YIPF4: variants seen among roughly 807,000 people sequenced by gnomAD.
YIPF4 encodes protein YIPF4.
Under a neutral mutation model 29.4 loss-of-function variants are expected in YIPF4, and 18 were observed. The ratio of observed to expected loss-of-function variants is 0.61; its 90% confidence interval spans 0.42 to 0.91. YIPF4 has a LOEUF of 0.91. Among genes scored for constraint, YIPF4 ranks in the 40% least tolerant of loss-of-function variants. The pLI is 0.00. For missense variants in YIPF4, 279 were observed against 282.7 expected (o/e 0.99, Z 0.09); for synonymous variants, 115 against 104.7 (o/e 1.10, Z -0.60).
intron 3 of YIPF4, among the ~76,000 whole-genome samples, chr2:32,292,645 G>C (rs570152179): frequency 6.6e-6 from 1 of 151,526 alleles, no homozygotes; most frequent in Non-Finnish European, 1.5e-5. Flanking sequence ...GGTGGATCAC[G>C]GGGTCAGGAG....
At position 32,292,332 on chromosome 2, in the gene YIPF4, T is replaced by C. The variant is rs948478633; in HGVS notation, c.389T>C (p.Leu130Ser). 1.6e-5 allele frequency: 26 copies of C among 1,590,996 alleles called. No homozygotes were observed. The highest frequency in any genetic ancestry group is 2.1e-5 in the Non-Finnish European group (25 of 1,170,086). ...AVVLFFSMISLYGQFRVVSWI... is the reference protein window; with the variant it reads ...AVVLFFSMISSYGQFRVVSWI... ...GTTCTTTTCTTTTCCATGATATCAT[T>C]ATATGGACAGTTTAGGGTAAGTATA... is the stretch of plus-strand genomic sequence containing the variant. The change falls in exon 3 of 6, where the codon TTA (leucine) becomes TCA (serine). Residue 130 changes from leucine to serine, a missense_variant. Coordinates refer to ENST00000238831, the MANE Select transcript of YIPF4 (RefSeq NM_032312.4).
In YIPF4 at chr2:32,312,693, CA is replaced by C. The variant is rs1295322991; in HGVS notation, c.*7073del. Reference sequence around the variant, plus strand: ...TGAGTGTAGGGATACAGTGATAATGCAAAAAAGACCCCCAATAGGCCGGGCG... The same window carrying C: ...TGAGTGTAGGGATACAGTGATAATGCAAAAAGACCCCCAATAGGCCGGGCG... On this transcript the variant is annotated 3_prime_UTR_variant, in exon 6 of 6. Transcript: ENST00000238831. The C allele has an allele frequency of 1.3e-5, 2 of 151,052 alleles. No homozygotes were observed. The highest frequency in any genetic ancestry group is 3.0e-5 in the Non-Finnish European group (2 of 67,786). The allele number at this position is 151,052 out of a possible 1,614,324, so 9.4% of individuals were successfully genotyped here.
At chr2:32,278,686 A>C (rs1375746860) in intron 1 of YIPF4, among the ~76,000 whole-genome samples, 1 of 152,208 alleles carries the variant, frequency 6.6e-6, no homozygotes, top group African/African-American at 2.4e-5. Flanking sequence ...CAGATTCGGC[A>C]CTGCAAATAC....
At chr2:32,285,544 T>A (rs532440283) in intron 1 of YIPF4, among the ~76,000 whole-genome samples, 1 of 152,334 alleles carries the variant, frequency 6.6e-6, no homozygotes, top group Admixed American at 6.5e-5. Flanking sequence ...TTTCTGTCAC[T>A]CTGTTATTGT....
chr2:32,279,945 G>A (rs1393925459), intron 1 of YIPF4, among the ~76,000 whole-genome samples: 1 of 144,308 alleles, frequency 6.9e-6, no homozygotes, highest in East Asian at 2.0e-4. Context: ...TTGCCAGGCT[G>A]GAGTGCAGTG....
chr2:32,298,386 T>G (rs1310808700), intron 4 of YIPF4, 75 bp downstream of exon 4: 3 of 1,101,356 alleles, frequency 2.7e-6, no homozygotes, highest in Non-Finnish European at 4.1e-6. Context: ...ATATCATCAT[T>G]AGCTATACAA....
intron 3 of YIPF4, among the ~76,000 whole-genome samples, chr2:32,294,001 C>A (rs1226414746): frequency 6.8e-6 from 1 of 146,456 alleles, no homozygotes; most frequent in Non-Finnish European, 1.5e-5. Context: ...GCTGATCCCC[C>A]CACCTCCCTC....
At position 32,306,684 on chromosome 2, in the gene YIPF4, A is replaced by C. The variant is rs2031592109; in HGVS notation, c.*1058A>C. The C allele has an allele frequency of 2.5e-6, 2 of 815,406 alleles. No homozygotes were observed. The highest frequency in any genetic ancestry group is 1.9e-5 in the African/African-American group (1 of 53,746). 50.5% of individuals were successfully genotyped at this position (815,406 alleles called of 1,614,324 possible). A position where few individuals can be genotyped will look rare whatever the true frequency, so the allele number is the denominator to read the frequency against. On this transcript the variant is annotated 3_prime_UTR_variant, in exon 6 of 6. Transcript: ENST00000238831. ...AGGGAAATATTAAGAAATTTTTATC[A>C]GTGAAATATTTGTTGCAAATAATTT...
At chr2:32,289,718 C>T (rs929741741) in intron 1 of YIPF4, among the ~76,000 whole-genome samples, 2 of 152,136 alleles carry the variant, frequency 1.3e-5, no homozygotes. Flanking sequence ...AGATACTGTG[C>T]AGACTCTACA....
At position 32,305,899 on chromosome 2, in the gene YIPF4, G is replaced by C; in HGVS notation, c.*273G>C. On this transcript the variant is annotated 3_prime_UTR_variant, in exon 6 of 6. Transcript: ENST00000238831. ...AGCATTGTGTTTTTAAGATTGTGTC[G>C]ATATTCACCTAAAAACTTGTGCCAA... The C allele has an allele frequency of 9.5e-7, 1 of 1,051,322 alleles. No homozygotes were observed. Among genetic ancestry groups the C allele is most frequent in the Non-Finnish European group, 1.1e-6 (1 of 874,050 alleles). The allele number at this position is 1,051,322 out of a possible 1,614,324, so 65.1% of individuals were successfully genotyped here. A position where few individuals can be genotyped will look rare whatever the true frequency, so the allele number is the denominator to read the frequency against.
At chr2:32,283,093 G>T (rs1268084608) in intron 1 of YIPF4, among the ~76,000 whole-genome samples, 1 of 147,062 alleles carries the variant, frequency 6.8e-6, no homozygotes, top group Non-Finnish European at 1.5e-5. Flanking sequence ...AAAAAAAAAA[G>T]GAATACCCAA....
chr2:32,280,877 A>G (rs2030375786), intron 1 of YIPF4, among the ~76,000 whole-genome samples: 1 of 152,140 alleles, frequency 6.6e-6, no homozygotes, highest in South Asian at 2.1e-4. Context: ...GAGGAATATC[A>G]ACTTTAATTT....
At chr2:32,293,117 C>T (rs1284884480) in intron 3 of YIPF4, among the ~76,000 whole-genome samples, 8 of 148,332 alleles carry the variant, frequency 5.4e-5, no homozygotes, top group South Asian at 4.2e-4. Context: ...GGGTGTTTCT[C>T]GCAGAGGGGG....
At position 32,306,432 on chromosome 2, in the gene YIPF4, A is replaced by G. The variant is rs1365307344; in HGVS notation, c.*806A>G. On this transcript the variant is annotated 3_prime_UTR_variant, in exon 6 of 6. Coordinates refer to ENST00000238831, the MANE Select transcript of YIPF4 (RefSeq NM_032312.4). ...TCATTAAAATCTTTACTATGTACAA[A>G]AACAGTAATATTTACAGCATCAGTA... 2 of 984,348 alleles carry G rather than the reference A, an allele frequency of 2.0e-6. No individual in the cohort carries two copies. Among genetic ancestry groups the G allele is most frequent in the Non-Finnish European group, 2.4e-6 (2 of 828,584 alleles). The allele number at this position is 984,348 out of a possible 1,614,324, so 61.0% of individuals were successfully genotyped here. A position where few individuals can be genotyped will look rare whatever the true frequency, so the allele number is the denominator to read the frequency against.
chr2:32,309,497 G>C lies in YIPF4; in HGVS notation c.*3871G>C, dbSNP rs1330498901. 1 of 152,016 alleles carries C rather than the reference G, an allele frequency of 6.6e-6. No homozygotes were observed. Among genetic ancestry groups the C allele is most frequent in the Non-Finnish European group, 1.5e-5 (1 of 67,970 alleles). The allele number at this position is 152,016 out of a possible 1,614,324, so 9.4% of individuals were successfully genotyped here. ...ATTAAAATGTGAAGTAAATATTTTT[G>C]TTTAAATATTGTTTAAAATTTAGTC... is the stretch of plus-strand genomic sequence containing the variant. On this transcript the variant is annotated 3_prime_UTR_variant, in exon 6 of 6. Transcript: ENST00000238831.
chr2:32,313,127 C>G lies in YIPF4; in HGVS notation c.*7501C>G, dbSNP rs1464714186. 1 of 151,874 alleles carries G rather than the reference C, an allele frequency of 6.6e-6. No homozygotes were observed. Among genetic ancestry groups the G allele is most frequent in the African/African-American group, 2.4e-5 (1 of 41,336 alleles). 9.4% of individuals were successfully genotyped at this position (151,874 alleles called of 1,614,324 possible). A position where few individuals can be genotyped will look rare whatever the true frequency, so the allele number is the denominator to read the frequency against. On this transcript the variant is annotated 3_prime_UTR_variant, in exon 6 of 6. Transcript: ENST00000238831. ...AGAAAAAGAGGCCTGTGGTGGTAAG[C>G]AAGTATATAAAAGAAGCCTTCCTTG...
At chr2:32,279,558 C>T (rs570822232) in intron 1 of YIPF4, among the ~76,000 whole-genome samples, 370 of 125,878 alleles carry the variant, frequency 2.9e-3, no homozygotes, top group Admixed American at 5.4e-3. Context: ...CCACCACGCC[C>T]GGCTAATTTT....
chr2:32,292,408 T>C, intron 3 of YIPF4, 60 bp downstream of exon 3: 1 of 1,238,528 alleles, frequency 8.1e-7, no homozygotes, highest in Middle Eastern at 2.9e-4. Context: ...AAATTAAATA[T>C]AATAAGATAT....
chr2:32,279,996 C>A (rs949031678), intron 1 of YIPF4, among the ~76,000 whole-genome samples: 1 of 148,858 alleles, frequency 6.7e-6, no homozygotes, highest in African/African-American at 2.5e-5. Flanking sequence ...TCCTGGGCTC[C>A]AGTGATCCTC....
Sources: gnomAD v4.1 joint callset for allele counts (sites outside exome capture counted in the v4.1 genomes callset) on GRCh38, gnomAD v4.1.1 for gene constraint, MANE v1.5 for transcripts, NCBI Gene and HGNC (gene_info 2026-07-23, HGNC 2026-07-21) for gene names.